The following PI4KA variants were observed in gnomAD, a reference collection of about 807,000 sequenced individuals.
PI4KA encodes PI4-kinase alpha.
PI4KA carries 122 observed loss-of-function variants against 271.4 expected under a neutral mutation model. That is an observed-to-expected ratio of 0.45 (90% CI 0.39 to 0.52). The LOEUF is 0.52. PI4KA is among the 20% of genes least tolerant of loss of function. The probability of loss-of-function intolerance (pLI) is 0.00; values close to 1 mark genes in which losing one functional copy is unlikely to be tolerated. For missense variants in PI4KA, 1,969 were observed against 2,769.1 expected (o/e 0.71, Z 6.48); for synonymous variants, 1,041 against 1,078.8 (o/e 0.96, Z 0.69).
At chr22:20,746,094 G>C (rs1601393689) in intron 29 of PI4KA, among the ~76,000 whole-genome samples, 1 of 107,832 alleles carries the variant, frequency 9.3e-6, no homozygotes. Context: ...ATGGAGTCTT[G>C]CTCTGTTGCC....
At chr22:20,754,068 G>A (rs1931007223) in intron 23 of PI4KA, among the ~76,000 whole-genome samples, 2 of 152,008 alleles carry the variant, frequency 1.3e-5, no homozygotes, top group Middle Eastern at 3.2e-3. Context: ...TGATCCCTTG[G>A]TTTGAGTTAC....
At chr22:20,761,947 CAGT>C (rs1194975001) in intron 22 of PI4KA, among the ~76,000 whole-genome samples, 12 of 152,168 alleles carry the variant, frequency 7.9e-5, no homozygotes, top group Admixed American at 3.9e-4. Flanking sequence ...AGGCCATTAA[CAGT>C]AGGATAGTAG....
intron 18 of PI4KA, among the ~76,000 whole-genome samples, chr22:20,794,551 A>G (rs1466411172): frequency 6.6e-6 from 1 of 152,188 alleles, no homozygotes; most frequent in African/African-American, 2.4e-5. Flanking sequence ...ATTAGGGACA[A>G]GAGTCTTAGG....
intron 19 of PI4KA, among the ~76,000 whole-genome samples, chr22:20,775,333 A>T (rs1280259707): frequency 6.6e-6 from 1 of 152,260 alleles, no homozygotes; most frequent in African/African-American, 2.4e-5. Context: ...ACTAAATAGC[A>T]AAACATCAGG....
At position 20,742,295 on chromosome 22, in the gene PI4KA, T is replaced by C. The variant is rs201269583; in HGVS notation, c.3674A>G (p.His1225Arg). 377 of 1,614,224 alleles carry C rather than the reference T, an allele frequency of 2.3e-4. No homozygotes were observed. Among genetic ancestry groups the C allele is most frequent in the Admixed American group, 3.3e-4 (20 of 60,022 alleles). ...GCAGGCCAGGGCCGTCTCCATGCCA[T>C]GCTCATTGAACATCCGGAGGGGACC... ...CWGPLRMFNE[H>R]GMETALACWE... Residue 1225 changes from histidine to arginine, a missense_variant, in exon 32 of 55, where the codon CAT becomes CGT. Coordinates refer to ENST00000255882, the MANE Select transcript of PI4KA (RefSeq NM_058004.4).
chr22:20,827,489 T>C (rs567247859), intron 3 of PI4KA, among the ~76,000 whole-genome samples: 1 of 152,330 alleles, frequency 6.6e-6, no homozygotes, highest in South Asian at 2.1e-4. Flanking sequence ...GGTAATGTGA[T>C]GTCTCCAGCT....
chr22:20,709,860 A>G (rs1310097847), intron 53 of PI4KA, 48 bp downstream of exon 53: 1 of 1,021,234 alleles, frequency 9.8e-7, no homozygotes, highest in Non-Finnish European at 1.6e-6. Context: ...GCCTCAGCTA[A>G]TGGACAACTG....
chr22:20,798,861 G>GGGCCGGGCGCGGTGGCTCACGCCTGTA, intron 16 of PI4KA, 174 bp from the exon 17 acceptor site: 1 of 628,812 alleles, frequency 1.6e-6, no homozygotes, highest in South Asian at 1.9e-5. Context: ...AGCTAAAAGG[G>GGGCCGGGCGCGGTGGCTCACGCCTGTA]ACATGGCTTA....
intron 3 of PI4KA, among the ~76,000 whole-genome samples, chr22:20,828,591 T>G (rs1334275795): frequency 6.6e-6 from 1 of 152,138 alleles, no homozygotes; most frequent in Admixed American, 6.6e-5. Flanking sequence ...AGTCTTGCTC[T>G]GTTGCCAGAT....
In PI4KA at chr22:20,733,719, A is replaced by G. The variant is rs1351591112; in HGVS notation, c.4160+17T>C. 3 of 1,613,902 alleles carry G rather than the reference A, an allele frequency of 1.9e-6. No homozygotes were observed. The South Asian group carries it at 3.3e-5, about 18-fold the overall frequency. Reference sequence around the variant, plus strand: ...GCGCCGTCCCTGGACGCTGCACAGCACATCTTGGGGGAGTACCTGAAGTAG... The same window carrying G: ...GCGCCGTCCCTGGACGCTGCACAGCGCATCTTGGGGGAGTACCTGAAGTAG... On this transcript the variant is annotated intron_variant, in intron 35 of 54. Transcript: ENST00000255882.
chr22:20,757,055 G>T (rs978429812), intron 23 of PI4KA, among the ~76,000 whole-genome samples: 22 of 152,196 alleles, frequency 1.4e-4, no homozygotes, highest in African/African-American at 5.1e-4. Flanking sequence ...CTGCCCTCAC[G>T]TTCCTGTGCA....
intron 43 of PI4KA, among the ~76,000 whole-genome samples, chr22:20,721,081 A>T (rs990375395): frequency 6.6e-6 from 1 of 152,212 alleles, no homozygotes; most frequent in African/African-American, 2.4e-5. Context: ...TTGGGAGTGC[A>T]GGGTGGCATC....
intron 22 of PI4KA, among the ~76,000 whole-genome samples, chr22:20,762,132 A>C (rs1932029528): frequency 6.6e-6 from 1 of 152,170 alleles, no homozygotes; most frequent in African/African-American, 2.4e-5. Context: ...AAAAAGGAAA[A>C]AGCGCATGCA....
chr22:20,742,938 G>T, intron 30 of PI4KA, 174 bp from the exon 31 acceptor site: 1 of 578,594 alleles, frequency 1.7e-6, no homozygotes, highest in Non-Finnish European at 3.1e-6. Flanking sequence ...ACTGATCACA[G>T]CTTTTTTTTT....
Position 20,721,849 on chromosome 22 carries a change from C to A in PI4KA, c.4996-431G>T, listed in dbSNP as rs527465723. On this transcript the variant is annotated intron_variant, in intron 42 of 54. Transcript: ENST00000255882. ...GATACCTCCTTCACAAACTGACACACTGATATGATTAGGTTTTGTGTCCCC... is the reference window on the plus strand; with the variant it reads ...GATACCTCCTTCACAAACTGACACAATGATATGATTAGGTTTTGTGTCCCC... 36 of 174,120 alleles carry A rather than the reference C, an allele frequency of 2.1e-4. 1 individual carries two copies. The South Asian group carries it at 4.8e-3, about 23-fold the overall frequency. 10.8% of individuals were successfully genotyped at this position (174,120 alleles called of 1,614,324 possible).
intron 1 of PI4KA, among the ~76,000 whole-genome samples, chr22:20,842,232 T>C (rs1025591884): frequency 6.6e-6 from 1 of 151,318 alleles, no homozygotes; most frequent in African/African-American, 2.4e-5. Context: ...CATCTCAATA[T>C]ATACATATTA....
At chr22:20,768,138 G>C (rs1932703308) in intron 19 of PI4KA, among the ~76,000 whole-genome samples, 1 of 152,176 alleles carries the variant, frequency 6.6e-6, no homozygotes, top group Non-Finnish European at 1.5e-5. Context: ...GCGGCGGCCA[G>C]ACAGAGGTGC....
At chr22:20,781,402 G>C (rs1357645440) in intron 19 of PI4KA, among the ~76,000 whole-genome samples, 1 of 152,242 alleles carries the variant, frequency 6.6e-6, no homozygotes, top group Non-Finnish European at 1.5e-5. Context: ...GCAAAGGGCA[G>C]TACTTGGAGG....
intron 19 of PI4KA, chr22:20,779,107 G>A: frequency 7.5e-7 from 1 of 1,334,296 alleles, no homozygotes. Context: ...AGGTTTATGA[G>A]TCCCACATCA....
Sources: allele counts gnomAD v4.1 joint callset (sites outside exome capture counted in the v4.1 genomes callset), GRCh38; gene constraint gnomAD v4.1.1; transcripts MANE v1.5; gene names NCBI Gene and HGNC (gene_info 2026-07-23, HGNC 2026-07-21).